MYT1L: variants seen among roughly 807,000 people sequenced by gnomAD.
MYT1L encodes the protein myelin transcription factor 1 like.
A neutral mutation model predicts 126.7 loss-of-function variants in MYT1L; 12 were observed. That is an observed-to-expected ratio of 0.09 (90% confidence interval 0.06 to 0.15). The LOEUF (loss-of-function observed/expected upper bound fraction) is 0.15. MYT1L is among the 10% of genes least tolerant of loss of function. MYT1L has a pLI of 1.00. For synonymous variants in MYT1L, 541 were observed against 604.2 expected (o/e 0.90, Z 1.53); for missense variants, 979 against 1,585.2 (o/e 0.62, Z 6.49).
Position 1,790,810 on chromosome 2 carries a change from A to G in MYT1L, c.*1057T>C, listed in dbSNP as rs1479261525. On this transcript the variant is annotated 3_prime_UTR_variant, in exon 25 of 25. Coordinates refer to ENST00000647738, the MANE Select transcript of MYT1L (RefSeq NM_001303052.2). ...GCCTTTATCCCTCAAATGTAAAATA[A>G]GAAGGTTCATAACAATAATAGGAAT... 1 of 155,684 alleles carries G rather than the reference A, an allele frequency of 6.4e-6. No homozygotes were observed. Among genetic ancestry groups the G allele is most frequent in the African/African-American group, 2.4e-5 (1 of 41,470 alleles). 9.6% of individuals were successfully genotyped at this position (155,684 alleles called of 1,614,324 possible).
intron 22 of MYT1L, among the ~76,000 whole-genome samples, chr2:1,802,236 C>T (rs550757266): frequency 3.3e-5 from 5 of 152,144 alleles, no homozygotes; most frequent in South Asian, 2.1e-4. Flanking sequence ...TCTGCAGGTA[C>T]GTTCACCAAC....
intron 3 of MYT1L, among the ~76,000 whole-genome samples, chr2:2,079,363 G>A (rs1240171786): frequency 6.6e-6 from 1 of 152,144 alleles, no homozygotes; most frequent in African/African-American, 2.4e-5. Context: ...TAAATGGAAA[G>A]ACATGTTCAC....
chr2:2,075,955 T>A (rs1299640878), intron 3 of MYT1L, among the ~76,000 whole-genome samples: 1 of 152,116 alleles, frequency 6.6e-6, no homozygotes, highest in South Asian at 2.1e-4. Flanking sequence ...GGTTTTGGAG[T>A]TCCATTAAAA....
intron 3 of MYT1L, among the ~76,000 whole-genome samples, chr2:2,067,609 A>T (rs1184675638): frequency 6.6e-6 from 1 of 152,196 alleles, no homozygotes; most frequent in Non-Finnish European, 1.5e-5. Context: ...TCTTCCTAGA[A>T]AACATAGATG....
chr2:1,937,354 C>T (rs974321462), intron 9 of MYT1L, among the ~76,000 whole-genome samples: 8 of 152,128 alleles, frequency 5.3e-5, no homozygotes, highest in South Asian at 2.1e-4. Flanking sequence ...GCCATCAGAT[C>T]GCACAGCGAG....
At chr2:2,264,129 C>G (rs2095061666) in intron 2 of MYT1L, among the ~76,000 whole-genome samples, 1 of 152,126 alleles carries the variant, frequency 6.6e-6, no homozygotes, top group Admixed American at 6.6e-5. Flanking sequence ...CCCTGAAGCC[C>G]AAGTTCCTTC....
chr2:2,269,597 T>C (rs1247457150), intron 2 of MYT1L, among the ~76,000 whole-genome samples: 1 of 152,172 alleles, frequency 6.6e-6, no homozygotes, highest in Non-Finnish European at 1.5e-5. Context: ...GTCATAGAGA[T>C]TCCCAAAAGA....
At position 1,887,579 on chromosome 2, in the gene MYT1L, G is replaced by A; in HGVS notation, c.2551C>T (p.Leu851=). ...PEDLDPFQEA[L]EERRYPGEVT... Reference sequence around the variant, plus strand: ...TCCCCGGGATACCGTCTTTCTTCTAGAGCCTCCTGGAATGGGTCCAAGTCT... The same window carrying A: ...TCCCCGGGATACCGTCTTTCTTCTAAAGCCTCCTGGAATGGGTCCAAGTCT... The change falls in exon 17 of 25, where the codon CTA becomes TTA. Residue 851 remains leucine (L), a synonymous_variant. Coordinates refer to ENST00000647738, the MANE Select transcript of MYT1L (RefSeq NM_001303052.2). The surrounding 1 kb of genome is among the most constrained non-coding windows in gnomAD (Gnocchi z 4.8). The A allele has an allele frequency of 6.2e-7, 1 of 1,613,992 alleles. No individual in the cohort carries two copies. Among genetic ancestry groups the A allele is most frequent in the Non-Finnish European group, 8.5e-7 (1 of 1,179,894 alleles).
At chr2:1,933,325 T>G (rs1375557361) in intron 9 of MYT1L, among the ~76,000 whole-genome samples, 1 of 151,964 alleles carries the variant, frequency 6.6e-6, no homozygotes, top group African/African-American at 2.4e-5. Flanking sequence ...CGGAGGAAGT[T>G]CAGGCGACAC....
At chr2:1,804,015 C>T (rs1168519814) in intron 22 of MYT1L, among the ~76,000 whole-genome samples, 2 of 152,212 alleles carry the variant, frequency 1.3e-5, no homozygotes, top group Non-Finnish European at 1.5e-5. Context: ...CTTATCCCTG[C>T]AGCAGGGCAG....
chr2:2,286,635 G>A (rs931780797), intron 1 of MYT1L, among the ~76,000 whole-genome samples: 3 of 152,142 alleles, frequency 2.0e-5, no homozygotes, highest in Non-Finnish European at 4.4e-5. Flanking sequence ...TGCCTATTGC[G>A]AGTCAATAAT....
chr2:2,027,687 T>A (rs977904689), intron 4 of MYT1L, among the ~76,000 whole-genome samples: 1 of 152,226 alleles, frequency 6.6e-6, no homozygotes, highest in African/African-American at 2.4e-5. Context: ...TTGGCAAAGC[T>A]AACAAAGGGT....
At chr2:2,178,962 C>T (rs78776739) in intron 2 of MYT1L, among the ~76,000 whole-genome samples, 15,431 of 152,150 alleles carry the variant, frequency 0.1, 758 homozygotes, top group East Asian at 0.13. Flanking sequence ...TCAGGGCACA[C>T]GGGAGAAGAC....
chr2:2,304,395 A>C (rs1370566099), intron 1 of MYT1L, among the ~76,000 whole-genome samples: 1 of 152,224 alleles, frequency 6.6e-6, no homozygotes, highest in Non-Finnish European at 1.5e-5. Flanking sequence ...AGGGCTTAGC[A>C]GGGGAAGAGT....
At chr2:2,100,614 A>G (rs953083978) in intron 3 of MYT1L, among the ~76,000 whole-genome samples, 5 of 152,168 alleles carry the variant, frequency 3.3e-5, no homozygotes, top group Non-Finnish European at 7.3e-5. Context: ...TGAGTTATTA[A>G]TATTTCTTTC....
intron 21 of MYT1L, among the ~76,000 whole-genome samples, chr2:1,831,522 A>G (rs537518959): frequency 1.3e-5 from 2 of 151,640 alleles, no homozygotes; most frequent in South Asian, 4.2e-4. Context: ...GTCCTCTACA[A>G]CCCCCTGAAC....
At position 1,910,290 on chromosome 2, in the gene MYT1L, G is replaced by A. The variant is rs2051755823; in HGVS notation, c.1767C>T (p.His589=). 1.2e-6 allele frequency: 2 copies of A among 1,613,228 alleles called. No individual in the cohort carries two copies. The highest frequency in any genetic ancestry group is 1.7e-6 in the Non-Finnish European group (2 of 1,179,896). The change falls in exon 13 of 25, where the codon CAC becomes CAT. Residue 589 remains histidine, a synonymous_variant. Transcript: ENST00000647738. The surrounding 1 kb of genome is among the most constrained non-coding windows in gnomAD (Gnocchi z 4.8). ...TGGACTTGGACACGTCGCAGCTCTG[G>A]TGCTTTTCCTGTGCCTTGGCCAGTT... The part of the protein sequence containing the change: ...AEKLAKAQEK[H]QSCDVSKSSQ...
intron 2 of MYT1L, among the ~76,000 whole-genome samples, chr2:2,236,799 CTTCTTCTTCTTCTTCTTT>C (rs1559420956): frequency 5.7e-5 from 1 of 17,634 alleles, no homozygotes; most frequent in Non-Finnish European, 8.6e-5. Context: ...TCTTCTTCTT[CTTCTTCTTCTTCTTCTTT>C]TTTTTTTTTT....
At chr2:1,809,798 C>G (rs2036297000) in intron 21 of MYT1L, 1 of 152,460 alleles carries the variant, frequency 6.6e-6, no homozygotes, top group South Asian at 2.1e-4. Flanking sequence ...TCACTTTTCT[C>G]AGCCACTGGT....
Sources: gnomAD v4.1 joint callset for allele counts (sites outside exome capture counted in the v4.1 genomes callset) on GRCh38, gnomAD v4.1.1 for gene constraint, Gnocchi (gnomAD v3.1) non-coding constraint, MANE v1.5 for transcripts, NCBI Gene and HGNC (gene_info 2026-07-23, HGNC 2026-07-21) for gene names.